The following DENND1A variants were observed in gnomAD, a reference collection of about 807,000 sequenced individuals.
DENND1A encodes the protein DENN domain containing 1A.
A neutral mutation model predicts 113.7 loss-of-function variants in DENND1A; 51 were observed. That is an observed-to-expected ratio of 0.45 (90% CI 0.36 to 0.57). The LOEUF (loss-of-function observed/expected upper bound fraction) is 0.57. Ranked by LOEUF, DENND1A falls within the 20% of genes least tolerant of loss-of-function variation. The pLI, the probability that DENND1A is intolerant of heterozygous loss-of-function variation, is 0.00. For synonymous variants in DENND1A, 565 were observed against 570.8 expected, an observed-to-expected ratio of 0.99 and a Z score of 0.14; for missense variants, 1,258 against 1,395.9, an observed-to-expected ratio of 0.90 and a Z score of 1.57.
chr9:123,898,495 T>A (rs1809441598), intron 1 of DENND1A, among the ~76,000 whole-genome samples: 1 of 148,628 alleles, frequency 6.7e-6, no homozygotes, highest in South Asian at 2.1e-4. Context: ...CATCCAGCTA[T>A]TTTTTTTTTC....
At chr9:123,920,884 T>C (rs2479101) in intron 1 of DENND1A, among the ~76,000 whole-genome samples, 2,770 of 152,138 alleles carry the variant, frequency 0.018, 92 homozygotes, top group African/African-American at 0.064. Context: ...GGGACATAAG[T>C]GTTCTTAAAT....
intron 11 of DENND1A, among the ~76,000 whole-genome samples, chr9:123,607,379 T>C (rs1424015819): frequency 6.7e-6 from 1 of 149,122 alleles, no homozygotes; most frequent in Non-Finnish European, 1.5e-5. Flanking sequence ...CCATGATCAG[T>C]GTGTTCCACT....
At chr9:123,555,482 G>T (rs1296986615) in intron 13 of DENND1A, among the ~76,000 whole-genome samples, 1 of 152,174 alleles carries the variant, frequency 6.6e-6, no homozygotes. Context: ...CCAAGCCTTT[G>T]CTTCCTCAGT....
intron 4 of DENND1A, among the ~76,000 whole-genome samples, chr9:123,762,136 C>G (rs901877270): frequency 2.6e-5 from 4 of 152,188 alleles, no homozygotes; most frequent in African/African-American, 7.2e-5. Context: ...AATGAAAATC[C>G]TCCCTGGGAA....
intron 13 of DENND1A, among the ~76,000 whole-genome samples, chr9:123,530,451 A>G (rs1199641012): frequency 6.6e-6 from 1 of 152,192 alleles, no homozygotes; most frequent in Non-Finnish European, 1.5e-5. Flanking sequence ...ACCCAGATAA[A>G]CTATCCTTCA....
At chr9:123,875,319 AACATTTACAGGGCTTAGG>A (rs1261675430) in intron 2 of DENND1A, among the ~76,000 whole-genome samples, 4 of 152,332 alleles carry the variant, frequency 2.6e-5, no homozygotes, top group African/African-American at 7.2e-5. Flanking sequence ...ACCCACCTGT[AACATTTACAGGGCTTAGG>A]CAAGGGTTCA....
At chr9:123,440,142 A>G (rs2046818658) in intron 19 of DENND1A, 1 of 492,928 alleles carries the variant, frequency 2.0e-6, no homozygotes, top group East Asian at 4.3e-5. Flanking sequence ...AGTCCCGCTC[A>G]TTTATGACCT....
chr9:123,716,695 A>G (rs2066997794), intron 5 of DENND1A, among the ~76,000 whole-genome samples: 1 of 152,238 alleles, frequency 6.6e-6, no homozygotes, highest in Non-Finnish European at 1.5e-5. Context: ...CAGTGGAGGT[A>G]CTGCTCTGAA....
intron 13 of DENND1A, among the ~76,000 whole-genome samples, chr9:123,494,548 A>T (rs1190308217): frequency 2.6e-5 from 4 of 152,210 alleles, no homozygotes; most frequent in Non-Finnish European, 5.9e-5. Flanking sequence ...TCAAGGTTAC[A>T]GAACACACCC....
chr9:123,784,781 T>A (rs1831857988), intron 3 of DENND1A, among the ~76,000 whole-genome samples: 1 of 152,170 alleles, frequency 6.6e-6, no homozygotes, highest in Non-Finnish European at 1.5e-5. Flanking sequence ...TCAGAAAGAA[T>A]GGCTCAAAAA....
intron 19 of DENND1A, among the ~76,000 whole-genome samples, chr9:123,419,372 G>T (rs552274796): frequency 2.0e-5 from 3 of 152,374 alleles, no homozygotes; most frequent in African/African-American, 7.2e-5. Flanking sequence ...AGGAGGCCTG[G>T]CCCCAGAGGG....
chr9:123,398,427 T>C (rs1444280035), intron 21 of DENND1A, among the ~76,000 whole-genome samples: 2 of 152,062 alleles, frequency 1.3e-5, no homozygotes, highest in Admixed American at 1.3e-4. Context: ...CAGGCTAGAG[T>C]GCAGTGGTGC....
chr9:123,448,761 C>T (rs1053281450), intron 18 of DENND1A, among the ~76,000 whole-genome samples: 1 of 152,198 alleles, frequency 6.6e-6, no homozygotes, highest in African/African-American at 2.4e-5. Flanking sequence ...AAAATCCACT[C>T]TCAGCTGAAA....
chr9:123,501,966 T>C (rs898271691), intron 13 of DENND1A, among the ~76,000 whole-genome samples: 6 of 151,566 alleles, frequency 4.0e-5, no homozygotes, highest in African/African-American at 1.4e-4. Flanking sequence ...AAGTTAATAC[T>C]TAATAAACTC....
chr9:123,688,877 T>C (rs979753707), intron 5 of DENND1A, among the ~76,000 whole-genome samples: 1 of 151,762 alleles, frequency 6.6e-6, no homozygotes. Flanking sequence ...TCCATAATGT[T>C]ACAAAACCCT....
chr9:123,636,943 G>A lies in DENND1A; in HGVS notation c.619-6467C>T, dbSNP rs182726106. Among the ~76,000 whole-genome samples, 16 of 152,234 alleles carry A rather than the reference G, an allele frequency of 1.1e-4. No homozygotes were observed. In the East Asian group the frequency reaches 3.1e-3, roughly 29 times the overall value. Reference sequence around the variant, plus strand: ...ACTCCTGACCTCATGTGATCCGCCCGCCTCCAAAAGTGCCTGGATTATAGG... The same window carrying A: ...ACTCCTGACCTCATGTGATCCGCCCACCTCCAAAAGTGCCTGGATTATAGG... On this transcript the variant is annotated intron_variant, in intron 9 of 23. Coordinates refer to ENST00000394215, the MANE Select transcript of DENND1A (RefSeq NM_001352964.2).
intron 5 of DENND1A, among the ~76,000 whole-genome samples, chr9:123,704,128 C>T (rs2066040218): frequency 6.6e-6 from 1 of 150,504 alleles, no homozygotes; most frequent in African/African-American, 2.5e-5. Flanking sequence ...AAAGTAAACA[C>T]TCTAGAGGCC....
intron 19 of DENND1A, among the ~76,000 whole-genome samples, chr9:123,436,664 T>A (rs2046542444): frequency 6.6e-6 from 1 of 152,224 alleles, no homozygotes; most frequent in South Asian, 2.1e-4. Flanking sequence ...AGAAACCTAT[T>A]TACTTTGCTC....
At chr9:123,528,743 C>A (rs1196705870) in intron 13 of DENND1A, among the ~76,000 whole-genome samples, 1 of 152,212 alleles carries the variant, frequency 6.6e-6, no homozygotes, top group Non-Finnish European at 1.5e-5. Flanking sequence ...CAAGGACACC[C>A]AAGCTTTTGG....
Sources: gnomAD v4.1 joint callset for allele counts (sites outside exome capture counted in the v4.1 genomes callset) on GRCh38, gnomAD v4.1.1 for gene constraint, MANE v1.5 for transcripts, NCBI Gene and HGNC (gene_info 2026-07-23, HGNC 2026-07-21) for gene names.